DDX11: variants seen among roughly 807,000 people sequenced by gnomAD.
The protein encoded by DDX11 is ATP-dependent DNA helicase DDX11.
In DDX11, 72 loss-of-function variants were observed where a neutral mutation model predicts 125.2. The ratio of observed to expected loss-of-function variants is 0.58; its 90% CI spans 0.48 to 0.70. The LOEUF (loss-of-function observed/expected upper bound fraction) is 0.70. DDX11 is among the 30% of genes least tolerant of loss of function. DDX11 has a pLI of 0.00. For synonymous variants in DDX11, 347 were observed against 452.6 expected (o/e 0.77, Z 2.96); for missense variants, 883 against 1,165.0 (o/e 0.76, Z 3.52).
At chr12:31,085,208 C>T in intron 5 of DDX11, 82 bp downstream of exon 5, 1 of 1,487,238 alleles carries the variant, frequency 6.7e-7, no homozygotes, top group Non-Finnish European at 9.2e-7. Flanking sequence ...GCCACAGATG[C>T]CATGAAGCAC....
chr12:31,095,219 G>T (rs998727616), intron 14 of DDX11, among the ~76,000 whole-genome samples: 4 of 152,232 alleles, frequency 2.6e-5, no homozygotes, highest in African/African-American at 7.2e-5. Context: ...CTCCAGGTCT[G>T]TGTACCCAGC....
Position 31,096,953 on chromosome 12 carries a change from G to A in DDX11, c.1725G>A (p.Thr575=), listed in dbSNP as rs752847188. ...AAGGCTTCCTGGCAGCTCTCACTAC[G>A]GCCAACCAGGACGGCAGGGTCATCC... ...HIQGFLAALT[T]ANQDGRVILS... is the part of the protein sequence containing the mutation. Residue 575 remains threonine (T), a synonymous_variant, in exon 17 of 27, where the codon ACG becomes ACA. Transcript: ENST00000542838. 4.4e-5 allele frequency: 71 copies of A among 1,613,992 alleles called. No homozygotes were observed. Among genetic ancestry groups the A allele is most frequent in the African/African-American group, 3.1e-4 (23 of 75,030 alleles).
chr12:31,103,850 CACT>C lies in DDX11; in HGVS notation c.*15_*17del, dbSNP rs1448498362. Reference sequence around the variant, plus strand: ...GCCTCTTCCTGATGGGCAACCACACCACTGCCTGGCGCCGTGCCCTTCCTTTGT... The same window carrying C: ...GCCTCTTCCTGATGGGCAACCACACCGCCTGGCGCCGTGCCCTTCCTTTGT... On this transcript the variant is annotated 3_prime_UTR_variant, in exon 27 of 27. Coordinates refer to ENST00000542838, the MANE Select transcript of DDX11 (RefSeq NM_030653.4). The C allele has an allele frequency of 6.2e-7, 1 of 1,613,976 alleles. No individual in the cohort carries two copies. Among genetic ancestry groups the C allele is most frequent in the Non-Finnish European group, 8.5e-7 (1 of 1,179,862 alleles).
chr12:31,103,534 G>T (rs778462071), intron 25 of DDX11, 43 bp from the exon 26 acceptor site: 4 of 1,613,708 alleles, frequency 2.5e-6, no homozygotes, highest in Admixed American at 1.7e-5. Flanking sequence ...CTGTAGGGGG[G>T]AGGCAGGTGT....
chr12:31,083,312 T>TTAAAA (rs1555209754), intron 2 of DDX11, among the ~76,000 whole-genome samples: 4 of 128,932 alleles, frequency 3.1e-5, no homozygotes, highest in African/African-American at 6.0e-5. Context: ...TTAGTTTGCT[T>TTAAAA]AAAAAAAAAA....
chr12:31,095,874 G>T (rs1391568746), intron 14 of DDX11, among the ~76,000 whole-genome samples: 1 of 152,094 alleles, frequency 6.6e-6, no homozygotes, highest in Non-Finnish European at 1.5e-5. Context: ...CCGGTTTAAA[G>T]GCTCCAAACT....
chr12:31,083,727 C>G (rs1942474124), intron 2 of DDX11, 86 bp from the exon 3 acceptor site: 10 of 1,506,412 alleles, frequency 6.6e-6, no homozygotes, highest in African/African-American at 2.8e-5. Flanking sequence ...GCCAGACCTT[C>G]TTTCAAGCTT....
At position 31,103,557 on chromosome 12, in the gene DDX11, C is replaced by T. The variant is rs780244123; in HGVS notation, c.2537-20C>T. On this transcript the variant is annotated intron_variant, in intron 25 of 26. Coordinates refer to ENST00000542838, the MANE Select transcript of DDX11 (RefSeq NM_030653.4). ...GGGAGGCAGGTGTTGCTCGGAGCCC[C>T]AGCCTCTGTTCCTATGCAGGCAGGG... 1.9e-6 allele frequency: 3 copies of T among 1,613,818 alleles called. No homozygotes were observed. Among genetic ancestry groups the T allele is most frequent in the Non-Finnish European group, 2.5e-6 (3 of 1,179,876 alleles).
intron 2 of DDX11, among the ~76,000 whole-genome samples, chr12:31,083,350 A>C (rs1291548802): frequency 6.6e-6 from 1 of 151,322 alleles, no homozygotes; most frequent in Non-Finnish European, 1.5e-5. Context: ...AACCGTAAGC[A>C]CTGGCGCTCA....
chr12:31,098,038 G>C (rs374498470), intron 18 of DDX11, 41 bp downstream of exon 18: 125 of 1,541,404 alleles, frequency 8.1e-5, no homozygotes, highest in Non-Finnish European at 1.1e-4. Context: ...CCAGGTGTTG[G>C]GATGAGATGG....
chr12:31,089,864 T>G lies in DDX11; in HGVS notation c.881-22T>G, dbSNP rs758671531. Reference sequence around the variant, plus strand: ...GTTGCTGTCCTCTCTGTTTTCTCTCTTTGTGCCTGTGCCACCCTCAGAGAA... The same window carrying G: ...GTTGCTGTCCTCTCTGTTTTCTCTCGTTGTGCCTGTGCCACCCTCAGAGAA... On this transcript the variant is annotated intron_variant, in intron 8 of 26. Transcript: ENST00000542838. 10 of 1,610,008 alleles carry G rather than the reference T, an allele frequency of 6.2e-6. No individual in the cohort carries two copies. In the African/African-American group the frequency reaches 1.3e-4, roughly 22 times the overall value.
At chr12:31,083,323 A>AC (rs1942372829) in intron 2 of DDX11, among the ~76,000 whole-genome samples, 2 of 145,316 alleles carry the variant, frequency 1.4e-5, no homozygotes, top group African/African-American at 5.1e-5. Flanking sequence ...AAAAAAAAAA[A>AC]AACAAAACAA....
chr12:31,084,084 G>T (rs1169697376), intron 3 of DDX11, 23 bp downstream of exon 3: 10 of 1,613,114 alleles, frequency 6.2e-6, no homozygotes, highest in Middle Eastern at 1.6e-4. Flanking sequence ...GTATCCGGAA[G>T]TGGGAGTACT....
chr12:31,090,907 C>A lies in DDX11; in HGVS notation c.1090-812C>A, dbSNP rs4031306. The A allele has an allele frequency of 2.6e-5, 4 of 152,410 alleles. No individual in the cohort carries two copies. In the East Asian group the frequency reaches 7.7e-4, roughly 30 times the overall value. 9.4% of individuals were successfully genotyped at this position (152,410 alleles called of 1,614,324 possible). ...CCATGGTGTCCCAGGCCTTCCCTCC[C>A]GTCTGTTTGCCTTTAGAGCAAGATT... On this transcript the variant is annotated intron_variant, in intron 9 of 26. Coordinates refer to ENST00000542838, the MANE Select transcript of DDX11 (RefSeq NM_030653.4).
intron 9 of DDX11, among the ~76,000 whole-genome samples, 175 bp downstream of exon 9, chr12:31,090,269 G>C (rs956841013): frequency 1.4e-5 from 2 of 145,218 alleles, no homozygotes; most frequent in African/African-American, 2.6e-5. Context: ...GGGATCCCTT[G>C]GGGTCTCCAG....
chr12:31,092,040 C>T (rs1472808506), intron 10 of DDX11, among the ~76,000 whole-genome samples, 169 bp downstream of exon 10: 1 of 152,234 alleles, frequency 6.6e-6, no homozygotes, highest in African/African-American at 2.4e-5. Context: ...TCCAGTGCAT[C>T]GGGGGACCCC....
In DDX11 at chr12:31,101,973, C is replaced by A; in HGVS notation, c.2193C>A (p.Ala731=). The part of the protein sequence containing the change: ...EKGGLLGRLA[A]RKKIFQEPKS... Reference sequence around the variant, plus strand: ...GTGGCCTGCTGGGCCGTCTGGCTGCCAGGAAGAAGGTGAGTGGCCTGTCGG... The same window carrying A: ...GTGGCCTGCTGGGCCGTCTGGCTGCAAGGAAGAAGGTGAGTGGCCTGTCGG... The change falls in exon 21 of 27, where the codon GCC becomes GCA. Residue 731 remains alanine (A), a synonymous_variant. Transcript: ENST00000542838. The A allele has an allele frequency of 1.2e-6, 2 of 1,612,302 alleles. No homozygotes were observed. Among genetic ancestry groups the A allele is most frequent in the South Asian group, 1.1e-5 (1 of 90,934 alleles).
chr12:31,084,103 C>T lies in DDX11; in HGVS notation c.393+42C>T, dbSNP rs185393907. ...CCGGAAGTGGGAGTACTGGAGGAAA[C>T]AGGGCTTCAGCGATTGTTCTGGGGC... On this transcript the variant is annotated intron_variant, in intron 3 of 26. Transcript: ENST00000542838. 8 of 1,609,342 alleles carry T rather than the reference C, an allele frequency of 5.0e-6. No individual in the cohort carries two copies. The East Asian group carries it at 1.8e-4, about 36-fold the overall frequency.
chr12:31,079,449 T>TG (rs1473656197), intron 2 of DDX11, among the ~76,000 whole-genome samples: 1 of 138,662 alleles, frequency 7.2e-6, no homozygotes, highest in Non-Finnish European at 1.5e-5. Flanking sequence ...GTTCTGGTTC[T>TG]GGGGAGGGGG....
Sources: allele counts gnomAD v4.1 joint callset (sites outside exome capture counted in the v4.1 genomes callset), GRCh38; gene constraint gnomAD v4.1.1; transcripts MANE v1.5; gene names NCBI Gene and HGNC (gene_info 2026-07-23, HGNC 2026-07-21).